RBFOX1: variants seen among roughly 807,000 people sequenced by gnomAD.
RBFOX1 encodes RNA binding fox-1 homolog 1.
A neutral mutation model predicts 57.7 loss-of-function variants in RBFOX1; 8 were observed. The ratio of observed to expected loss-of-function variants is 0.14; its 90% CI spans 0.08 to 0.25. The LOEUF (loss-of-function observed/expected upper bound fraction) is 0.25. RBFOX1 is among the 10% of genes least tolerant of loss of function. The pLI, the probability that RBFOX1 is intolerant of heterozygous loss-of-function variation, is 1.00. For synonymous variants in RBFOX1, 326 were observed against 222.4 expected (o/e 1.47, Z -4.15); for missense variants, 611 against 548.5 (o/e 1.11, Z -1.14).
chr16:7,025,216 C>G (rs959066870), intron 3 of RBFOX1, among the ~76,000 whole-genome samples: 32 of 152,148 alleles, frequency 2.1e-4, no homozygotes, highest in Admixed American at 2.1e-3. Context: ...GTGAATTACT[C>G]ATGTCTCCCC....
At chr16:7,532,452 A>G (rs1400976635) in intron 5 of RBFOX1, among the ~76,000 whole-genome samples, 2 of 152,168 alleles carry the variant, frequency 1.3e-5, no homozygotes, top group South Asian at 2.1e-4. Context: ...CTTTTGAGAC[A>G]TTGAAGCTCT....
At chr16:7,046,248 G>C (rs969699561) in intron 3 of RBFOX1, among the ~76,000 whole-genome samples, 1 of 151,402 alleles carries the variant, frequency 6.6e-6, no homozygotes, top group Non-Finnish European at 1.5e-5. Context: ...GTGTGTGTGT[G>C]TGTGTGTGTG....
chr16:6,770,865 G>A (rs1004467768), intron 3 of RBFOX1, among the ~76,000 whole-genome samples: 2 of 152,144 alleles, frequency 1.3e-5, no homozygotes, highest in Non-Finnish European at 2.9e-5. Context: ...GTCTCCCATG[G>A]ATAATGCAAC....
At chr16:6,052,812 T>TAATAATAA (rs2095569095) in intron 1 of RBFOX1, among the ~76,000 whole-genome samples, 1 of 147,276 alleles carries the variant, frequency 6.8e-6, no homozygotes. Flanking sequence ...AATATAATAA[T>TAATAATAA]AATAATAATA....
chr16:7,342,473 T>C (rs1452406341), intron 4 of RBFOX1, among the ~76,000 whole-genome samples: 1 of 152,254 alleles, frequency 6.6e-6, no homozygotes, highest in East Asian at 1.9e-4. Context: ...ATCAGCTCAT[T>C]GTACCAACGC....
intron 1 of RBFOX1, among the ~76,000 whole-genome samples, chr16:6,304,029 C>A (rs2079150612): frequency 6.6e-6 from 1 of 151,346 alleles, no homozygotes; most frequent in African/African-American, 2.4e-5. Flanking sequence ...TCAGGCTCGT[C>A]TTGAACTCCT....
chr16:6,890,026 G>A (rs1187862064), intron 3 of RBFOX1, among the ~76,000 whole-genome samples: 2 of 152,318 alleles, frequency 1.3e-5, no homozygotes, highest in Middle Eastern at 3.4e-3. Context: ...GTTAATAATA[G>A]TAGTGTCCCA....
chr16:7,506,453 C>G (rs1039211393), intron 4 of RBFOX1, among the ~76,000 whole-genome samples: 1 of 152,058 alleles, frequency 6.6e-6, no homozygotes, highest in African/African-American at 2.4e-5. Context: ...GTAGGCAAAG[C>G]TACTTTATTG....
intron 1 of RBFOX1, among the ~76,000 whole-genome samples, chr16:6,182,038 T>C (rs7191797): frequency 0.053 from 8,072 of 152,196 alleles, 760 homozygotes; most frequent in African/African-American, 0.18. Context: ...CCCACTAAAA[T>C]ACAAGGAAGA....
chr16:7,185,586 C>G (rs1434237163), intron 4 of RBFOX1, among the ~76,000 whole-genome samples: 1 of 152,158 alleles, frequency 6.6e-6, no homozygotes, highest in Non-Finnish European at 1.5e-5. Flanking sequence ...AGAAACCCTG[C>G]CACTTTTATT....
intron 1 of RBFOX1, among the ~76,000 whole-genome samples, chr16:5,360,361 A>G (rs1003055510): frequency 6.6e-6 from 1 of 152,056 alleles, no homozygotes; most frequent in Non-Finnish European, 1.5e-5. Flanking sequence ...AGCTCTGCCT[A>G]TTTTCTGTGT....
intron 3 of RBFOX1, among the ~76,000 whole-genome samples, chr16:6,855,773 T>C (rs1386391408): frequency 6.6e-6 from 1 of 150,700 alleles, no homozygotes; most frequent in East Asian, 1.9e-4. Flanking sequence ...TTTTATCCTC[T>C]ACCTTTAGAG....
At chr16:7,108,463 C>T (rs1257980012) in intron 4 of RBFOX1, among the ~76,000 whole-genome samples, 1 of 152,126 alleles carries the variant, frequency 6.6e-6, no homozygotes, top group East Asian at 1.9e-4. Context: ...TTCATCCATT[C>T]ATTGATCTGG....
At chr16:5,853,669 T>G (rs2056952792) in intron 3 of RBFOX1, among the ~76,000 whole-genome samples, 1 of 152,188 alleles carries the variant, frequency 6.6e-6, no homozygotes, top group South Asian at 2.1e-4. Flanking sequence ...TTAACAGAGT[T>G]CAGGATGTGA....
intron 3 of RBFOX1, among the ~76,000 whole-genome samples, chr16:6,661,843 C>G (rs890087333): frequency 9.2e-5 from 14 of 152,160 alleles, no homozygotes; most frequent in African/African-American, 3.4e-4. Context: ...AGTTCAACTT[C>G]TAATTTTTTG....
intron 3 of RBFOX1, among the ~76,000 whole-genome samples, chr16:5,841,506 A>G (rs1160228647): frequency 6.6e-6 from 1 of 152,238 alleles, no homozygotes; most frequent in Non-Finnish European, 1.5e-5. Flanking sequence ...CAAGTAAAAT[A>G]CAGGGTGCCC....
intron 2 of RBFOX1, among the ~76,000 whole-genome samples, chr16:6,505,530 T>C (rs1018148555): frequency 6.6e-6 from 1 of 152,196 alleles, no homozygotes; most frequent in Non-Finnish European, 1.5e-5. Flanking sequence ...GTTTACTCTG[T>C]GTATTCTCAC....
chr16:6,958,155 G>A (rs936796946), intron 3 of RBFOX1, among the ~76,000 whole-genome samples: 1 of 152,158 alleles, frequency 6.6e-6, no homozygotes, highest in African/African-American at 2.4e-5. Flanking sequence ...AAGGGGAGGG[G>A]AAAGTTAACT....
intron 4 of RBFOX1, among the ~76,000 whole-genome samples, chr16:7,162,456 G>A (rs140811255): frequency 0.018 from 2,704 of 151,786 alleles, 41 homozygotes; most frequent in Middle Eastern, 0.034. Context: ...ACTTCTGGGC[G>A]CAGTAACTCA....
Sources: gnomAD v4.1 joint callset for allele counts (sites outside exome capture counted in the v4.1 genomes callset) on GRCh38, gnomAD v4.1.1 for gene constraint, MANE v1.5 for transcripts, NCBI Gene and HGNC (gene_info 2026-07-23, HGNC 2026-07-21) for gene names.